Variants in SLC2A9 observed in about 807,000 individuals in gnomAD.
SLC2A9 encodes solute carrier family 2, facilitated glucose transporter member 9.
In SLC2A9, 39 loss-of-function variants were observed where a neutral mutation model predicts 50.6. That is an observed-to-expected ratio of 0.77 (90% CI 0.60 to 1.01). The LOEUF (loss-of-function observed/expected upper bound fraction) is 1.01, where lower values mean the gene tolerates loss of function less well. SLC2A9 is among the 50% of genes least tolerant of loss of function. SLC2A9 has a pLI of 0.00. For missense variants in SLC2A9, 686 were observed against 677.6 expected (o/e 1.01, Z -0.14); for synonymous variants, 324 against 276.9 (o/e 1.17, Z -1.69).
intron 3 of SLC2A9, among the ~76,000 whole-genome samples, chr4:9,793,690 G>A (rs543907725): frequency 1.3e-5 from 2 of 152,236 alleles, no homozygotes; most frequent in East Asian, 3.9e-4. Context: ...TTTTTGTTTG[G>A]TTTTGGTATT....
chr4:9,920,252 C>T (rs949224334), intron 7 of SLC2A9, 133 bp downstream of exon 7: 4 of 906,596 alleles, frequency 4.4e-6, no homozygotes, highest in Non-Finnish European at 6.9e-6. Flanking sequence ...TACATGGTTA[C>T]CTAACAGCAT....
chr4:9,949,430 G>T (rs962692617), intron 5 of SLC2A9, among the ~76,000 whole-genome samples: 1 of 152,164 alleles, frequency 6.6e-6, no homozygotes, highest in African/African-American at 2.4e-5. Flanking sequence ...CTATTAGAGG[G>T]CTGATGTTTT....
intron 6 of SLC2A9, among the ~76,000 whole-genome samples, chr4:9,938,677 A>G (rs1747585395): frequency 6.6e-6 from 1 of 152,204 alleles, no homozygotes; most frequent in South Asian, 2.1e-4. Flanking sequence ...TCAGGTTTGA[A>G]TGAGACAAAC....
intron 5 of SLC2A9, among the ~76,000 whole-genome samples, chr4:9,966,196 GA>G (rs1182892928): frequency 6.6e-6 from 1 of 151,700 alleles, no homozygotes; most frequent in East Asian, 1.9e-4. Context: ...CAGACTATCC[GA>G]AAAAAAATTG....
chr4:9,834,257 C>A (rs578009778), intron 11 of SLC2A9, among the ~76,000 whole-genome samples: 93 of 152,162 alleles, frequency 6.1e-4, no homozygotes, highest in Non-Finnish European at 1.1e-3. Context: ...CCGTTCAGCT[C>A]CAGAACCAGG....
downstream of SLC2A9, among the ~76,000 whole-genome samples, chr4:9,794,358 G>T (rs1445015347): frequency 6.6e-6 from 1 of 152,168 alleles, no homozygotes; most frequent in East Asian, 1.9e-4. Context: ...GTTTCACCAT[G>T]TTGGTCAGGT....
At chr4:9,809,108 G>C (rs181549034) in intron 3 of SLC2A9, among the ~76,000 whole-genome samples, 44 of 152,312 alleles carry the variant, frequency 2.9e-4, no homozygotes, top group African/African-American at 1.0e-3. Flanking sequence ...TGGCTTGGTA[G>C]AATGTACATT....
In SLC2A9 at chr4:10,019,139, G is replaced by C. The variant is rs1763172192; in HGVS notation, c.151-66C>G. ...CGCAGCCAGGGCCGAGGGAAGACCTGGAACGTTCCCTCAGCTGGGGGAGGC... is the reference window on the plus strand; with the variant it reads ...CGCAGCCAGGGCCGAGGGAAGACCTCGAACGTTCCCTCAGCTGGGGGAGGC... On this transcript the variant is annotated intron_variant, in intron 1 of 11. Coordinates refer to ENST00000264784, the MANE Select transcript of SLC2A9 (RefSeq NM_020041.3). 2.0e-5 allele frequency: 26 copies of C among 1,322,684 alleles called. No homozygotes were observed. In the South Asian group the frequency reaches 3.3e-4, roughly 17 times the overall value. The allele number at this position is 1,322,684 out of a possible 1,614,324, so 81.9% of individuals were successfully genotyped here.
intron 5 of SLC2A9, among the ~76,000 whole-genome samples, chr4:9,974,726 C>G (rs1754499812): frequency 6.6e-6 from 1 of 152,078 alleles, no homozygotes; most frequent in South Asian, 2.1e-4. Context: ...CTACCAATGT[C>G]ATTTTCCACC....
chr4:9,957,944 A>C (rs1751590328), intron 5 of SLC2A9, among the ~76,000 whole-genome samples: 2 of 152,226 alleles, frequency 1.3e-5, no homozygotes, highest in African/African-American at 2.4e-5. Context: ...AATTCTGCAC[A>C]ACTGAAGAGA....
intron 3 of SLC2A9, among the ~76,000 whole-genome samples, chr4:9,799,702 C>CCCCCA (rs1553813200): frequency 7.7e-6 from 1 of 129,960 alleles, no homozygotes; most frequent in African/African-American, 3.1e-5. Flanking sequence ...ACCCCCCCCC[C>CCCCCA]ACCCAACTTC....
intron 8 of SLC2A9, among the ~76,000 whole-genome samples, chr4:9,907,615 C>T (rs184031049): frequency 4.6e-5 from 7 of 152,298 alleles, no homozygotes; most frequent in East Asian, 3.9e-4. Context: ...TTTTAAATGT[C>T]ATGGTAAGAG....
At chr4:9,848,799 G>T (rs1014253235) in intron 10 of SLC2A9, among the ~76,000 whole-genome samples, 5 of 150,532 alleles carry the variant, frequency 3.3e-5, no homozygotes, top group Admixed American at 6.6e-5. Flanking sequence ...CCACCTCCCA[G>T]TTTCACGCCA....
At chr4:9,829,744 C>CA (rs1304839248) in intron 11 of SLC2A9, among the ~76,000 whole-genome samples, 7 of 151,744 alleles carry the variant, frequency 4.6e-5, no homozygotes, top group Admixed American at 1.3e-4. Context: ...TTCATATGGC[C>CA]AAAAAACATA....
chr4:9,901,834 G>A (rs748919040), intron 8 of SLC2A9, among the ~76,000 whole-genome samples: 4 of 152,144 alleles, frequency 2.6e-5, no homozygotes, highest in Non-Finnish European at 5.9e-5. Context: ...ACCTCTAGGC[G>A]GCTTCAGCAG....
intron 3 of SLC2A9, among the ~76,000 whole-genome samples, chr4:9,806,464 A>G (rs1331854687): frequency 6.6e-6 from 1 of 152,236 alleles, no homozygotes; most frequent in Non-Finnish European, 1.5e-5. Flanking sequence ...GTCAGTAAAT[A>G]TGTGGGTAAA....
chr4:9,819,328 T>A (rs1724082798), intron 3 of SLC2A9, among the ~76,000 whole-genome samples: 1 of 152,194 alleles, frequency 6.6e-6, no homozygotes, highest in Non-Finnish European at 1.5e-5. Flanking sequence ...CTGCTCCAAA[T>A]TCTTGCCAAC....
chr4:9,900,689 G>C (rs1486200460), intron 8 of SLC2A9, among the ~76,000 whole-genome samples: 1 of 152,168 alleles, frequency 6.6e-6, no homozygotes, highest in Non-Finnish European at 1.5e-5. Flanking sequence ...AAAGGAAAGA[G>C]GTTTAATTGA....
chr4:9,950,229 A>G (rs1032356806), intron 5 of SLC2A9, among the ~76,000 whole-genome samples: 5 of 152,176 alleles, frequency 3.3e-5, no homozygotes, highest in Non-Finnish European at 7.3e-5. Flanking sequence ...CAACACTAAC[A>G]ATAACAGGTA....
Sources: allele counts gnomAD v4.1 joint callset (sites outside exome capture counted in the v4.1 genomes callset), GRCh38; gene constraint gnomAD v4.1.1; transcripts MANE v1.5; gene names NCBI Gene and HGNC (gene_info 2026-07-23, HGNC 2026-07-21).